Variants in ZSCAN5A observed in about 807,000 individuals in gnomAD.
ZSCAN5A encodes zinc finger and SCAN domain-containing protein 5A.
A neutral mutation model predicts 23.7 loss-of-function variants in ZSCAN5A; 12 were observed. The ratio of observed to expected loss-of-function variants is 0.51; its 90% CI spans 0.32 to 0.82. The LOEUF (loss-of-function observed/expected upper bound fraction) is 0.82. Ranked by LOEUF, ZSCAN5A falls within the 40% of genes least tolerant of loss-of-function variation. The pLI, the probability that ZSCAN5A is intolerant of heterozygous loss-of-function variation, is 0.03. For synonymous variants in ZSCAN5A, 257 were observed against 239.9 expected (o/e 1.07, Z -0.66); for missense variants, 597 against 617.9 (o/e 0.97, Z 0.36).
At chr19:56,302,083 C>T in intron 2 of ZSCAN5A, 1 of 1,231,754 alleles carries the variant, frequency 8.1e-7, no homozygotes, top group Non-Finnish European at 1.0e-6. Flanking sequence ...TATCCTACAA[C>T]AAAGGGGACT....
chr19:56,242,086 T>G (rs1342553383), intron 2 of ZSCAN5A, among the ~76,000 whole-genome samples: 1 of 152,172 alleles, frequency 6.6e-6, no homozygotes, highest in East Asian at 1.9e-4. Flanking sequence ...ATGCAGTTGT[T>G]GGACTTTCAA....
At chr19:56,259,597 T>C (rs1223106898) in intron 2 of ZSCAN5A, among the ~76,000 whole-genome samples, 1 of 152,218 alleles carries the variant, frequency 6.6e-6, no homozygotes, top group Non-Finnish European at 1.5e-5. Context: ...AGAAAATTCA[T>C]GTGTTTGAGT....
At chr19:56,305,428 C>T (rs941963116) in intron 2 of ZSCAN5A, among the ~76,000 whole-genome samples, 1 of 152,214 alleles carries the variant, frequency 6.6e-6, no homozygotes, top group Non-Finnish European at 1.5e-5. Context: ...GTATTCGTTT[C>T]TGCTGGATAA....
At chr19:56,281,058 T>G (rs762432547) in intron 2 of ZSCAN5A, among the ~76,000 whole-genome samples, 5 of 152,236 alleles carry the variant, frequency 3.3e-5, no homozygotes, top group African/African-American at 1.2e-4. Flanking sequence ...AAACAGTAGA[T>G]TAACATATAT....
At chr19:56,324,549 A>T (rs553433872) in intron 2 of ZSCAN5A, among the ~76,000 whole-genome samples, 1 of 151,940 alleles carries the variant, frequency 6.6e-6, no homozygotes, top group Admixed American at 6.6e-5. Context: ...AAAGTAAATT[A>T]GTACAGCCAC....
At chr19:56,322,644 T>TA (rs2147425319) in intron 2 of ZSCAN5A, among the ~76,000 whole-genome samples, 1 of 152,330 alleles carries the variant, frequency 6.6e-6, no homozygotes, top group East Asian at 1.9e-4. Flanking sequence ...TATCTATAGA[T>TA]ACAGACATGT....
intron 2 of ZSCAN5A, among the ~76,000 whole-genome samples, chr19:56,229,385 G>T (rs981231183): frequency 1.3e-5 from 2 of 152,188 alleles, no homozygotes; most frequent in Non-Finnish European, 1.5e-5. Context: ...GACTATGTCA[G>T]TAAAGTGCTC....
chr19:56,333,346 ATT>A, intron 2 of ZSCAN5A, among the ~76,000 whole-genome samples: 1 of 148,544 alleles, frequency 6.7e-6, no homozygotes, highest in African/African-American at 2.5e-5. Flanking sequence ...CAAAGACTTT[ATT>A]TTTTTTTTAA....
At chr19:56,236,604 G>C (rs1600044224) in intron 2 of ZSCAN5A, among the ~76,000 whole-genome samples, 1 of 42,562 alleles carries the variant, frequency 2.3e-5, no homozygotes, top group East Asian at 6.9e-4. Context: ...TCTGATGGAC[G>C]GTGGGCCAAG....
intron 2 of ZSCAN5A, among the ~76,000 whole-genome samples, chr19:56,275,381 T>G (rs2038169860): frequency 6.6e-6 from 1 of 152,178 alleles, no homozygotes; most frequent in South Asian, 2.1e-4. Flanking sequence ...TGACTTTTCT[T>G]CTCCATTTAT....
chr19:56,226,783 G>A (rs2033986142), intron 2 of ZSCAN5A, among the ~76,000 whole-genome samples: 2 of 152,076 alleles, frequency 1.3e-5, no homozygotes, highest in Admixed American at 1.3e-4. Context: ...ATAGAGGGAG[G>A]GAGGGTTGAA....
intron 2 of ZSCAN5A, among the ~76,000 whole-genome samples, chr19:56,292,945 AT>A (rs1180709021): frequency 6.6e-6 from 1 of 152,094 alleles, no homozygotes; most frequent in Non-Finnish European, 1.5e-5. Context: ...GATAGACTGC[AT>A]TTTTTAATCC....
intron 2 of ZSCAN5A, among the ~76,000 whole-genome samples, chr19:56,260,207 T>C (rs550247105): frequency 1.0e-4 from 15 of 145,382 alleles, no homozygotes; most frequent in African/African-American, 3.2e-4. Flanking sequence ...AATTAAATAT[T>C]TTTTTACTTT....
At chr19:56,308,546 A>G (rs573947090) in intron 2 of ZSCAN5A, among the ~76,000 whole-genome samples, 1 of 144,200 alleles carries the variant, frequency 6.9e-6, no homozygotes, top group Admixed American at 6.9e-5. Context: ...CTGGTCTCGA[A>G]CTCCTGACCT....
chr19:56,262,623 G>A (rs909076037), intron 2 of ZSCAN5A, among the ~76,000 whole-genome samples: 1 of 151,268 alleles, frequency 6.6e-6, no homozygotes, highest in African/African-American at 2.4e-5. Context: ...GTAGAGACGG[G>A]GTTTCACCAT....
intron 2 of ZSCAN5A, among the ~76,000 whole-genome samples, chr19:56,331,157 G>C (rs1036333996): frequency 6.6e-6 from 1 of 152,078 alleles, no homozygotes; most frequent in Non-Finnish European, 1.5e-5. Flanking sequence ...TTGTTCCATT[G>C]ATCTATGTCT....
intron 2 of ZSCAN5A, among the ~76,000 whole-genome samples, chr19:56,273,372 C>T (rs1187391804): frequency 6.6e-6 from 1 of 152,164 alleles, no homozygotes; most frequent in Non-Finnish European, 1.5e-5. Context: ...GGACTTGGGT[C>T]TTGCCATAAC....
At chr19:56,284,271 G>A in intron 2 of ZSCAN5A, 1 of 643,906 alleles carries the variant, frequency 1.6e-6, no homozygotes, top group Non-Finnish European at 1.9e-6. Context: ...TTTGGGCTTT[G>A]CTCTAGAATG....
intron 2 of ZSCAN5A, among the ~76,000 whole-genome samples, chr19:56,277,017 G>T (rs186322464): frequency 4.6e-4 from 70 of 152,248 alleles, no homozygotes; most frequent in African/African-American, 1.6e-3. Context: ...TCAGAAAAAT[G>T]GAAGCCAAAG....
Sources: gnomAD v4.1 joint callset for allele counts (sites outside exome capture counted in the v4.1 genomes callset) on GRCh38, gnomAD v4.1.1 for gene constraint, MANE v1.5 for transcripts, NCBI Gene and HGNC (gene_info 2026-07-23, HGNC 2026-07-21) for gene names.